Variants in KLHL29 observed in about 807,000 individuals in gnomAD.
The protein encoded by KLHL29 is kelch-like protein 29.
A neutral mutation model predicts 80.4 loss-of-function variants in KLHL29; 21 were observed. The ratio of observed to expected loss-of-function variants is 0.26; its 90% CI spans 0.19 to 0.38. The LOEUF is 0.38. Among genes scored for constraint, KLHL29 ranks in the 10% least tolerant of loss-of-function variants. The pLI is 1.00. For missense variants in KLHL29, 867 were observed against 1,223.9 expected (o/e 0.71, Z 4.35); for synonymous variants, 511 against 526.8 (o/e 0.97, Z 0.41).
intron 5 of KLHL29, among the ~76,000 whole-genome samples, chr2:23,683,191 A>T (rs1382571024): frequency 6.6e-6 from 1 of 152,234 alleles, no homozygotes; most frequent in Non-Finnish European, 1.5e-5. Context: ...GGACAGCAAC[A>T]ACCAATGAGG....
chr2:23,453,153 C>T (rs958056012), intron 1 of KLHL29, among the ~76,000 whole-genome samples: 1 of 151,716 alleles, frequency 6.6e-6, no homozygotes, highest in African/African-American at 2.4e-5. Context: ...CGTTTCTTGT[C>T]TATGCCTACG....
chr2:23,577,057 T>C (rs1349387575), intron 3 of KLHL29, among the ~76,000 whole-genome samples: 1 of 152,178 alleles, frequency 6.6e-6, no homozygotes, highest in African/African-American at 2.4e-5. Flanking sequence ...CTCCAGATCC[T>C]CAAGGCCCCA....
chr2:23,637,584 G>A (rs181605690), intron 3 of KLHL29, among the ~76,000 whole-genome samples: 10 of 152,224 alleles, frequency 6.6e-5, no homozygotes, highest in Admixed American at 3.3e-4. Flanking sequence ...TTAGCTGAGC[G>A]CAGCCCACAG....
At chr2:23,581,963 C>T (rs931179564) in intron 3 of KLHL29, among the ~76,000 whole-genome samples, 1 of 151,926 alleles carries the variant, frequency 6.6e-6, no homozygotes, top group Non-Finnish European at 1.5e-5. Flanking sequence ...GGGTTGCTTT[C>T]TGATTACCTT....
At chr2:23,527,966 C>T (rs575839614) in intron 2 of KLHL29, among the ~76,000 whole-genome samples, 7 of 152,350 alleles carry the variant, frequency 4.6e-5, no homozygotes, top group African/African-American at 1.7e-4. Flanking sequence ...ACCACCACCC[C>T]TCTGGGACCT....
chr2:23,462,580 G>C lies in KLHL29; in HGVS notation c.-153-12980G>C, dbSNP rs180799037. Among the ~76,000 whole-genome samples, 207 of 152,304 alleles carry C rather than the reference G, an allele frequency of 1.4e-3. 2 individuals are homozygous for C. Among genetic ancestry groups the C allele is most frequent in the South Asian group, 8.3e-4 (4 of 4,824 alleles). On this transcript the variant is annotated intron_variant, in intron 1 of 13. Coordinates refer to ENST00000486442, the MANE Select transcript of KLHL29 (RefSeq NM_052920.2). ...CATCTGCAAAATATAGGGGTTGTTG[G>C]ACTGAAGACCTTCTAGTGTCCCTAG... is the stretch of plus-strand genomic sequence containing the variant.
chr2:23,482,483 C>G (rs1269919988), intron 2 of KLHL29, among the ~76,000 whole-genome samples: 2 of 152,290 alleles, frequency 1.3e-5, no homozygotes, highest in Admixed American at 6.5e-5. Flanking sequence ...CTTGAGAGTT[C>G]AGAGAGAGGA....
At chr2:23,589,673 A>G (rs1249881591) in intron 3 of KLHL29, among the ~76,000 whole-genome samples, 1 of 152,244 alleles carries the variant, frequency 6.6e-6, no homozygotes, top group African/African-American at 2.4e-5. Flanking sequence ...CCTGCAGAGA[A>G]GTAGGCTTTT....
At chr2:23,417,963 C>T (rs950778946) in intron 1 of KLHL29, among the ~76,000 whole-genome samples, 3 of 152,160 alleles carry the variant, frequency 2.0e-5, no homozygotes, top group Non-Finnish European at 4.4e-5. Context: ...TTCTGTCCAT[C>T]GCCCTGGAGT....
chr2:23,556,327 C>T (rs1317269039), intron 2 of KLHL29, among the ~76,000 whole-genome samples: 1 of 152,084 alleles, frequency 6.6e-6, no homozygotes, highest in Non-Finnish European at 1.5e-5. Flanking sequence ...TGTTGACTGG[C>T]AGGCTCTGTG....
intron 1 of KLHL29, among the ~76,000 whole-genome samples, chr2:23,431,018 CACAA>C (rs1663160982): frequency 6.6e-6 from 1 of 152,208 alleles, no homozygotes; most frequent in Admixed American, 6.5e-5. Flanking sequence ...AATAGACGGA[CACAA>C]CAGATACTCC....
chr2:23,604,495 G>A (rs1412189290), intron 3 of KLHL29, among the ~76,000 whole-genome samples: 1 of 152,206 alleles, frequency 6.6e-6, no homozygotes, highest in African/African-American at 2.4e-5. Context: ...CAGGGGGAGA[G>A]ACTTGACAGT....
Position 23,642,557 on chromosome 2 carries a change from G to A in KLHL29, c.647G>A (p.Ser216Asn). 1 of 1,548,564 alleles carries A rather than the reference G, an allele frequency of 6.5e-7. No homozygotes were observed. The highest frequency in any genetic ancestry group is 8.7e-7 in the Non-Finnish European group (1 of 1,145,364). The change falls in exon 5 of 14, where the codon AGC becomes AAC. Residue 216 changes from serine to asparagine, a missense_variant. Ser to Asn is a conservative substitution (Grantham distance 46, BLOSUM62 1). Around this residue, in one of 2 missense-constraint regions of KLHL29, gnomAD observed 424 missense variants for 456.9 expected, o/e 0.93. Coordinates refer to ENST00000486442, the MANE Select transcript of KLHL29 (RefSeq NM_052920.2). ...LPQPPSQPLS[S>N]VVVNMPAQAL... is the part of the protein sequence containing the mutation. ...CAGCCGCCCTCTCAGCCACTGAGCA[G>A]CGTGGTGGTCAACATGCCTGCCCAG...
intron 2 of KLHL29, among the ~76,000 whole-genome samples, chr2:23,485,030 ACTTGCTG>A (rs1249236155): frequency 6.6e-6 from 1 of 152,140 alleles, no homozygotes; most frequent in Non-Finnish European, 1.5e-5. Context: ...CCCTTGTAGT[ACTTGCTG>A]CTTCCTGGTT....
chr2:23,644,505 G>T (rs1444904421), intron 5 of KLHL29, among the ~76,000 whole-genome samples: 2 of 152,226 alleles, frequency 1.3e-5, no homozygotes, highest in African/African-American at 4.8e-5. Flanking sequence ...AAGGTAACTA[G>T]CTGAGAAAGG....
intron 1 of KLHL29, among the ~76,000 whole-genome samples, chr2:23,392,368 A>C (rs1181607615): frequency 6.6e-6 from 1 of 152,240 alleles, no homozygotes; most frequent in Non-Finnish European, 1.5e-5. Context: ...TCCAATAGTT[A>C]AAAATACCCT....
intron 1 of KLHL29, among the ~76,000 whole-genome samples, chr2:23,417,274 A>G (rs1157158321): frequency 6.6e-6 from 1 of 152,046 alleles, no homozygotes; most frequent in African/African-American, 2.4e-5. Context: ...CCAGGGCACC[A>G]ATTCTATCCT....
At chr2:23,522,917 A>G (rs1666150578) in intron 2 of KLHL29, among the ~76,000 whole-genome samples, 1 of 152,050 alleles carries the variant, frequency 6.6e-6, no homozygotes, top group Non-Finnish European at 1.5e-5. Context: ...ACCTGCATGG[A>G]CTCGACTTTG....
At chr2:23,455,010 G>GA (rs560702487) in intron 1 of KLHL29, among the ~76,000 whole-genome samples, 2 of 141,500 alleles carry the variant, frequency 1.4e-5, no homozygotes. Context: ...TTGGGGGGGG[G>GA]GCATTTATTT....
Sources: gnomAD v4.1 joint callset for allele counts (sites outside exome capture counted in the v4.1 genomes callset) on GRCh38, gnomAD v4.1.1 for gene constraint, gnomAD v4.1.1 regional missense constraint, MANE v1.5 for transcripts, NCBI Gene and HGNC (gene_info 2026-07-23, HGNC 2026-07-21) for gene names.